Variants in FRMD5 observed in about 807,000 individuals in gnomAD.
The protein encoded by FRMD5 is FERM domain-containing protein 5.
In FRMD5, 20 loss-of-function variants were observed where a neutral mutation model predicts 69.0. That is an observed-to-expected ratio of 0.29 (90% CI 0.20 to 0.42). FRMD5 has a LOEUF of 0.42. Ranked by LOEUF, FRMD5 falls within the 10% of genes least tolerant of loss-of-function variation. The probability of loss-of-function intolerance (pLI) is 1.00; values close to 1 mark genes in which losing one functional copy is unlikely to be tolerated. For synonymous variants in FRMD5, 271 were observed against 260.1 expected (o/e 1.04, Z -0.40); for missense variants, 595 against 708.6 (o/e 0.84, Z 1.82).
chr15:43,878,747 G>T (rs907864901), intron 13 of FRMD5, among the ~76,000 whole-genome samples: 2 of 152,088 alleles, frequency 1.3e-5, no homozygotes, highest in African/African-American at 4.8e-5. Flanking sequence ...ATCTTTCAAA[G>T]TATGAAAAGC....
At position 44,033,836 on chromosome 15, in the gene FRMD5, C is replaced by T. The variant is rs142011270; in HGVS notation, c.103-109527G>A. On this transcript the variant is annotated intron_variant, in intron 1 of 13. Coordinates refer to ENST00000417257, the MANE Select transcript of FRMD5 (RefSeq NM_032892.5). ...GCTTCCTCTACAACATGAGTGAAAA[C>T]GGTTTGTCCCTAAGATTCGTAAGAA... 2.6e-5 allele frequency among the ~76,000 whole-genome samples: 4 copies of T among 152,246 alleles called. No homozygotes were observed. The East Asian group carries it at 5.8e-4, about 22-fold the overall frequency.
intron 6 of FRMD5, 88 bp downstream of exon 6, chr15:43,905,740 C>T (rs2089155244): frequency 1.3e-6 from 2 of 1,527,556 alleles, no homozygotes; most frequent in East Asian, 4.5e-5. Context: ...AGTAAACAGT[C>T]TGCGAGAACA....
At chr15:44,028,734 A>G (rs969369426) in intron 1 of FRMD5, among the ~76,000 whole-genome samples, 1 of 152,158 alleles carries the variant, frequency 6.6e-6, no homozygotes, top group African/African-American at 2.4e-5. Flanking sequence ...ACAGCCACAT[A>G]TTTCAGCCCT....
At chr15:43,910,564 C>T (rs529695390) in intron 4 of FRMD5, among the ~76,000 whole-genome samples, 2 of 123,398 alleles carry the variant, frequency 1.6e-5, no homozygotes, top group East Asian at 2.6e-4. Context: ...ATCGGAGAGA[C>T]CTTGTCTCAA....
intron 1 of FRMD5, among the ~76,000 whole-genome samples, chr15:44,142,060 CTA>C (rs1398866380): frequency 1.3e-5 from 2 of 152,144 alleles, no homozygotes; most frequent in Admixed American, 1.3e-4. Flanking sequence ...CCATCCTGCA[CTA>C]TGTCATTCAC....
At chr15:43,996,862 C>G (rs2140156276) in intron 1 of FRMD5, among the ~76,000 whole-genome samples, 1 of 151,848 alleles carries the variant, frequency 6.6e-6, no homozygotes, top group South Asian at 2.1e-4. Flanking sequence ...AACGAGATCC[C>G]CAGATGATTC....
intron 10 of FRMD5, among the ~76,000 whole-genome samples, chr15:43,886,234 T>C (rs1480195656): frequency 5.9e-5 from 9 of 152,180 alleles, no homozygotes; most frequent in African/African-American, 1.9e-4. Context: ...TTTGTGTCTA[T>C]GTCTGGGTAA....
At chr15:44,123,709 C>A (rs936263014) in intron 1 of FRMD5, among the ~76,000 whole-genome samples, 1 of 151,888 alleles carries the variant, frequency 6.6e-6, no homozygotes, top group African/African-American at 2.4e-5. Context: ...AAGGGCGACA[C>A]CTAAAATTCA....
At chr15:43,904,993 C>T (rs1157125709) in intron 6 of FRMD5, among the ~76,000 whole-genome samples, 1 of 152,160 alleles carries the variant, frequency 6.6e-6, no homozygotes, top group Non-Finnish European at 1.5e-5. Context: ...GGACATACTT[C>T]TGAACCAGAG....
chr15:44,047,662 T>C (rs1389841704), intron 1 of FRMD5, among the ~76,000 whole-genome samples: 3 of 152,360 alleles, frequency 2.0e-5, no homozygotes, highest in Non-Finnish European at 4.4e-5. Flanking sequence ...AATTTTAGAA[T>C]ATTTTTGTCC....
chr15:44,110,471 C>T (rs1406379724), intron 1 of FRMD5, among the ~76,000 whole-genome samples: 2 of 152,194 alleles, frequency 1.3e-5, no homozygotes, highest in African/African-American at 4.8e-5. Flanking sequence ...AAACTGCTTG[C>T]AAGGTTTCTG....
chr15:44,194,784 G>A (rs1476430355), intron 1 of FRMD5, 169 bp downstream of exon 1: 1 of 702,164 alleles, frequency 1.4e-6, no homozygotes. Context: ...CTCCGGCAGG[G>A]GCTCCGGTGA....
chr15:43,969,256 AT>A (rs1161218506), intron 1 of FRMD5, among the ~76,000 whole-genome samples: 1 of 151,768 alleles, frequency 6.6e-6, no homozygotes, highest in Non-Finnish European at 1.5e-5. Flanking sequence ...TAATTTTTAA[AT>A]TTTTTGTAGG....
chr15:44,118,500 T>A (rs2140634367), intron 1 of FRMD5, among the ~76,000 whole-genome samples: 1 of 152,298 alleles, frequency 6.6e-6, no homozygotes, highest in Non-Finnish European at 1.5e-5. Flanking sequence ...TTCTACATCA[T>A]TTTGCCTCTA....
Position 43,872,375 on chromosome 15 carries a change from A to G in FRMD5, c.*1510T>C, listed in dbSNP as rs3742983. The G allele has an allele frequency of 1.4e-3, 220 of 152,286 alleles. 9 individuals are homozygous for G. In the East Asian group the frequency reaches 0.036, roughly 25 times the overall value. 9.4% of individuals were successfully genotyped at this position (152,286 alleles called of 1,614,324 possible). A position where few individuals can be genotyped will look rare whatever the true frequency, so the allele number is the denominator to read the frequency against. ...CAATTAGGGTATCAGCAGCTGCTCT[A>G]CTTTTGTGTGGGTCCAGGAATATGT... On this transcript the variant is annotated 3_prime_UTR_variant, in exon 14 of 14. Transcript: ENST00000417257.
At chr15:44,199,098 A>G (rs2078326554), upstream of FRMD5, among the ~76,000 whole-genome samples, 2 of 152,140 alleles carry the variant, frequency 1.3e-5, no homozygotes, top group South Asian at 4.2e-4. Flanking sequence ...CTCTTTAGCC[A>G]ATGCAACCTT....
At chr15:44,170,340 T>C in intron 1 of FRMD5, among the ~76,000 whole-genome samples, 2 of 152,128 alleles carry the variant, frequency 1.3e-5, no homozygotes, top group Non-Finnish European at 2.9e-5. Flanking sequence ...CTGACCAATA[T>C]GGTGAAACCA....
intron 1 of FRMD5, among the ~76,000 whole-genome samples, chr15:44,165,116 C>T (rs1308805501): frequency 6.6e-6 from 1 of 152,212 alleles, no homozygotes; most frequent in Non-Finnish European, 1.5e-5. Context: ...AAGTCCCCTT[C>T]TGTTAAAATC....
At chr15:44,181,885 A>G (rs2078007565) in intron 1 of FRMD5, among the ~76,000 whole-genome samples, 1 of 152,194 alleles carries the variant, frequency 6.6e-6, no homozygotes, top group Non-Finnish European at 1.5e-5. Flanking sequence ...CCTCAGCAAC[A>G]GGGCAAGACC....
Sources: gnomAD v4.1 joint callset for allele counts (sites outside exome capture counted in the v4.1 genomes callset) on GRCh38, gnomAD v4.1.1 for gene constraint, MANE v1.5 for transcripts, NCBI Gene and HGNC (gene_info 2026-07-23, HGNC 2026-07-21) for gene names.